SLC7A13: variants seen among roughly 807,000 people sequenced by gnomAD.
SLC7A13 encodes the protein solute carrier family 7 member 13, also known as X-amino acid transporter 2.
A neutral mutation model predicts 32.0 loss-of-function variants in SLC7A13; 31 were observed. That is an observed-to-expected ratio of 0.97 (90% CI 0.73 to 1.31). SLC7A13 has a LOEUF of 1.31. Ranked by LOEUF, SLC7A13 falls within the 50% of genes most tolerant of loss-of-function variation. The probability of loss-of-function intolerance (pLI) is 0.00; values close to 1 mark genes in which losing one functional copy is unlikely to be tolerated. For missense variants in SLC7A13, 633 were observed against 546.9 expected (o/e 1.16, Z -1.57); for synonymous variants, 232 against 206.9 (o/e 1.12, Z -1.04).
rs2954343 is a variant in SLC7A13 at position 86,224,018 on chromosome 8, T to A, written c.686-915A>T. Among the ~76,000 whole-genome samples, 4 of 152,132 alleles carry A rather than the reference T, an allele frequency of 2.6e-5. No individual in the cohort carries two copies. The East Asian group carries it at 7.7e-4, about 29-fold the overall frequency. On this transcript the variant is annotated intron_variant, in intron 1 of 3. Transcript: ENST00000297524. The stretch of plus-strand genomic sequence containing the variant: ...CATCTATTAAGTCCTAGGCATTGAG[T>A]TTGGATAGTGGGAATACAATGGTGA...
chr8:86,228,882 A>G (rs577537683), intron 1 of SLC7A13, among the ~76,000 whole-genome samples: 1 of 151,746 alleles, frequency 6.6e-6, no homozygotes, highest in Non-Finnish European at 1.5e-5. Context: ...GGATCTCACT[A>G]TTTTGCCCAG....
chr8:86,223,881 G>T (rs1820346322), intron 1 of SLC7A13, among the ~76,000 whole-genome samples: 2 of 151,798 alleles, frequency 1.3e-5, no homozygotes, highest in Non-Finnish European at 2.9e-5. Flanking sequence ...TATGAAATAT[G>T]CTTCATTTTC....
At chr8:86,220,390 G>T (rs1183958122) in intron 2 of SLC7A13, among the ~76,000 whole-genome samples, 1 of 152,044 alleles carries the variant, frequency 6.6e-6, no homozygotes, top group Non-Finnish European at 1.5e-5. Context: ...TCTCAGTTGT[G>T]AAACTTATTC....
intron 2 of SLC7A13, among the ~76,000 whole-genome samples, chr8:86,218,446 C>T (rs1337713856): frequency 6.6e-6 from 1 of 152,120 alleles, no homozygotes. Context: ...TAAATTTACT[C>T]CTCAGGGTCA....
intron 3 of SLC7A13, among the ~76,000 whole-genome samples, chr8:86,216,075 A>G (rs1820175939): frequency 6.6e-6 from 1 of 152,150 alleles, no homozygotes; most frequent in South Asian, 2.1e-4. Context: ...TAGCCAAGCA[A>G]CTGGACTTGA....
chr8:86,225,317 C>T (rs75747749), intron 1 of SLC7A13, among the ~76,000 whole-genome samples: 4,939 of 152,158 alleles, frequency 0.032, 285 homozygotes, highest in African/African-American at 0.11. Flanking sequence ...TAACCCTGCC[C>T]GCACCACTTT....
chr8:86,215,114 TA>T lies in SLC7A13; in HGVS notation c.1180-469del, dbSNP rs753030284. ...TTGTAACTTTATAGGCTCAGCATAT[TA>T]AAAAAAAAATCAAGACAAAAATTTT... On this transcript the variant is annotated intron_variant, in intron 3 of 3. Coordinates refer to ENST00000297524, the MANE Select transcript of SLC7A13 (RefSeq NM_138817.3). Among the ~76,000 whole-genome samples the T allele has an allele frequency of 7.7e-3, 1,155 of 150,138 alleles. 5 individuals are homozygous for T. The highest frequency in any genetic ancestry group is 0.01 in the African/African-American group (413 of 41,022).
rs577108220 is a variant in SLC7A13, at chr8:86,216,931, C to A, written c.1179+539G>T. 8.5e-5 allele frequency among the ~76,000 whole-genome samples: 13 copies of A among 152,250 alleles called. No individual in the cohort carries two copies. The East Asian group carries it at 2.5e-3, about 29-fold the overall frequency. ...TTCTCCAATAACGTTCTTATGCTAC[C>A]AAGTTTTGCTGCTTATTTCCTTTTC... On this transcript the variant is annotated intron_variant, in intron 3 of 3. Coordinates refer to ENST00000297524, the MANE Select transcript of SLC7A13 (RefSeq NM_138817.3).
At chr8:86,227,696 C>G (rs1820411463) in intron 1 of SLC7A13, among the ~76,000 whole-genome samples, 1 of 152,144 alleles carries the variant, frequency 6.6e-6, no homozygotes, top group South Asian at 2.1e-4. Context: ...AAGTGTCCAT[C>G]AATGCATGAC....
chr8:86,227,990 T>A (rs1465498990), intron 1 of SLC7A13, among the ~76,000 whole-genome samples: 2 of 152,116 alleles, frequency 1.3e-5, no homozygotes, highest in African/African-American at 4.8e-5. Flanking sequence ...GGGTACAGTG[T>A]TCATTGTTAG....
At chr8:86,223,997 T>C (rs1820348069) in intron 1 of SLC7A13, among the ~76,000 whole-genome samples, 1 of 152,318 alleles carries the variant, frequency 6.6e-6, no homozygotes, top group South Asian at 2.1e-4. Flanking sequence ...TAGCCTCATC[T>C]ATTAAGTCCT....
chr8:86,222,157 C>G (rs1027391114), intron 2 of SLC7A13, among the ~76,000 whole-genome samples: 9 of 152,068 alleles, frequency 5.9e-5, no homozygotes, highest in Non-Finnish European at 1.5e-5. Flanking sequence ...ATCAAAATCT[C>G]CCTTAGGTTT....
chr8:86,220,146 C>T (rs969354234), intron 2 of SLC7A13, among the ~76,000 whole-genome samples: 7 of 152,108 alleles, frequency 4.6e-5, no homozygotes. Context: ...ACAGGGAAAC[C>T]TCAGCTTCTG....
At chr8:86,226,695 G>T (rs141822041) in intron 1 of SLC7A13, among the ~76,000 whole-genome samples, 2 of 152,040 alleles carry the variant, frequency 1.3e-5, no homozygotes, top group South Asian at 2.1e-4. Context: ...TTTGTCCTTC[G>T]TCTCTCTATG....
In SLC7A13 at chr8:86,223,106, A is replaced by G. The variant is rs1820333340; in HGVS notation, c.686-3T>C. 1 of 1,587,536 alleles carries G rather than the reference A, an allele frequency of 6.3e-7. No individual in the cohort carries two copies. The highest frequency in any genetic ancestry group is 8.6e-7 in the Non-Finnish European group (1 of 1,169,180). On this transcript the variant is annotated splice_region_variant and splice_polypyrimidine_tract_variant and intron_variant, in intron 1 of 3. Transcript: ENST00000297524. ...TGTTCTGGGCTTCTTCAGCTCCCCT[A>G]TAACACAAAAGAGGACACAACCATA...
At chr8:86,224,384 ACT>A (rs1184270520) in intron 1 of SLC7A13, among the ~76,000 whole-genome samples, 1 of 151,588 alleles carries the variant, frequency 6.6e-6, no homozygotes, top group African/African-American at 2.4e-5. Flanking sequence ...AGGAGAGGAA[ACT>A]CTCTCCCTGG....
chr8:86,217,573 A>C lies in SLC7A13; in HGVS notation c.1076T>G (p.Leu359Trp), dbSNP rs201235225. Residue 359 changes from leucine to tryptophan, a missense_variant, in exon 3 of 4, where the codon TTG becomes TGG. Leu to Trp is a moderately conservative substitution (Grantham distance 61). Coordinates refer to ENST00000297524, the MANE Select transcript of SLC7A13 (RefSeq NM_138817.3). ...LAIILTSLID[L>W]INYIFFTGSL... Reference sequence around the variant, plus strand: ...ACCCGTGAAAAAAATATAGTTTATCAAATCAATTAGACTTGTTAAGATAAT... The same window carrying C: ...ACCCGTGAAAAAAATATAGTTTATCCAATCAATTAGACTTGTTAAGATAAT... The C allele has an allele frequency of 8.7e-5, 141 of 1,613,092 alleles. No homozygotes were observed. The highest frequency in any genetic ancestry group is 1.1e-4 in the Non-Finnish European group (135 of 1,179,552).
intron 1 of SLC7A13, among the ~76,000 whole-genome samples, chr8:86,225,690 G>C (rs1375904199): frequency 6.6e-6 from 1 of 152,166 alleles, no homozygotes; most frequent in Non-Finnish European, 1.5e-5. Flanking sequence ...GGGAGGTCAA[G>C]GCAGGTGGAT....
intron 2 of SLC7A13, among the ~76,000 whole-genome samples, chr8:86,221,877 CA>C (rs1214333436): frequency 6.6e-6 from 1 of 152,148 alleles, no homozygotes; most frequent in Non-Finnish European, 1.5e-5. Flanking sequence ...TGAACCGTAA[CA>C]ATGGTGCTAG....
Sources: allele counts gnomAD v4.1 joint callset (sites outside exome capture counted in the v4.1 genomes callset), GRCh38; gene constraint gnomAD v4.1.1; transcripts MANE v1.5; gene names NCBI Gene and HGNC (gene_info 2026-07-23, HGNC 2026-07-21).